Variants in ST8SIA4 observed in about 807,000 individuals in gnomAD.
The protein encoded by ST8SIA4 is CMP-N-acetylneuraminate-poly-alpha-2,8-sialyltransferase.
ST8SIA4 carries 15 observed loss-of-function variants against 33.9 expected under a neutral mutation model. The observed-to-expected ratio is 0.44, with a 90% CI of 0.30 to 0.68. ST8SIA4 has a LOEUF of 0.68. ST8SIA4 is among the 30% of genes least tolerant of loss of function. The probability of loss-of-function intolerance (pLI) is 0.10; values close to 1 mark genes in which losing one functional copy is unlikely to be tolerated. For synonymous variants in ST8SIA4, 171 were observed against 151.2 expected, an observed-to-expected ratio of 1.13 and a Z score of -0.96; for missense variants, 321 against 428.0, an observed-to-expected ratio of 0.75 and a Z score of 2.21.
chr5:100,817,009 C>T (rs1224347486), intron 4 of ST8SIA4, among the ~76,000 whole-genome samples: 1 of 149,348 alleles, frequency 6.7e-6, no homozygotes, highest in Non-Finnish European at 1.5e-5. Flanking sequence ...ATGGCGCAAT[C>T]TTGGCTCACT....
At chr5:100,838,559 T>C (rs1751409740) in intron 4 of ST8SIA4, among the ~76,000 whole-genome samples, 1 of 151,980 alleles carries the variant, frequency 6.6e-6, no homozygotes, top group African/African-American at 2.4e-5. Flanking sequence ...ATTATGTATT[T>C]TTTTCATTCC....
At chr5:100,836,995 A>AACAC (rs143119843) in intron 4 of ST8SIA4, among the ~76,000 whole-genome samples, 2,229 of 146,384 alleles carry the variant, frequency 0.015, 56 homozygotes, top group East Asian at 0.05. Flanking sequence ...TTAGTGCTAA[A>AACAC]ACACACACAC....
chr5:100,866,375 GATTA>G (rs1412728903), intron 3 of ST8SIA4, among the ~76,000 whole-genome samples: 3 of 151,972 alleles, frequency 2.0e-5, no homozygotes, highest in Non-Finnish European at 2.9e-5. Context: ...GCTATATCTT[GATTA>G]ATTGTTTAAT....
chr5:100,885,821 C>T (rs933642590), intron 3 of ST8SIA4: 1 of 878,184 alleles, frequency 1.1e-6, no homozygotes, highest in Non-Finnish European at 1.4e-6. Context: ...TTCAAATATA[C>T]TAACATACAC....
At chr5:100,815,566 T>G (rs1472741331) in intron 4 of ST8SIA4, among the ~76,000 whole-genome samples, 1 of 151,996 alleles carries the variant, frequency 6.6e-6, no homozygotes, top group Non-Finnish European at 1.5e-5. Flanking sequence ...ATAAATTTGA[T>G]AGCCTCTGTA....
chr5:100,826,472 C>T (rs182208997), intron 4 of ST8SIA4, among the ~76,000 whole-genome samples: 1 of 152,024 alleles, frequency 6.6e-6, no homozygotes, highest in East Asian at 1.9e-4. Context: ...ATGATAGGTA[C>T]TTGGGGCCAA....
At chr5:100,829,100 A>C (rs957646513) in intron 4 of ST8SIA4, among the ~76,000 whole-genome samples, 1 of 152,258 alleles carries the variant, frequency 6.6e-6, no homozygotes, top group Non-Finnish European at 1.5e-5. Flanking sequence ...TATTCTGCGC[A>C]TAGGAGCATC....
rs75635729 is a variant in ST8SIA4 at position 100,864,779 on chromosome 5, G to C, written c.504-8383C>G. Among the ~76,000 whole-genome samples, 30 of 152,068 alleles carry C rather than the reference G, an allele frequency of 2.0e-4. No homozygotes were observed. In the East Asian group the frequency reaches 5.8e-3, roughly 29 times the overall value. ...CAGTACAAAGCACATAGCAATATCAGTGAGACATAACATACACATAACTGA... is the reference window on the plus strand; with the variant it reads ...CAGTACAAAGCACATAGCAATATCACTGAGACATAACATACACATAACTGA... On this transcript the variant is annotated intron_variant, in intron 3 of 4. Transcript: ENST00000231461.
At chr5:100,825,869 C>T (rs1198610519) in intron 4 of ST8SIA4, among the ~76,000 whole-genome samples, 1 of 152,066 alleles carries the variant, frequency 6.6e-6, no homozygotes, top group Non-Finnish European at 1.5e-5. Flanking sequence ...AGAGCTTATC[C>T]TAACACCAAA....
At chr5:100,887,119 A>G (rs1239490394) in intron 2 of ST8SIA4, among the ~76,000 whole-genome samples, 1 of 152,074 alleles carries the variant, frequency 6.6e-6, no homozygotes, top group Non-Finnish European at 1.5e-5. Context: ...TATGTATATT[A>G]TAATTATCTA....
intron 4 of ST8SIA4, among the ~76,000 whole-genome samples, chr5:100,854,297 A>G (rs1293834900): frequency 6.6e-6 from 1 of 151,794 alleles, no homozygotes; most frequent in East Asian, 1.9e-4. Flanking sequence ...TAAGAATGCA[A>G]TTTAGGCCAG....
chr5:100,835,930 T>C (rs1751354445), intron 4 of ST8SIA4, among the ~76,000 whole-genome samples: 1 of 152,126 alleles, frequency 6.6e-6, no homozygotes, highest in Non-Finnish European at 1.5e-5. Flanking sequence ...TAAGGCATAA[T>C]AAGATGTGAT....
intron 3 of ST8SIA4, among the ~76,000 whole-genome samples, chr5:100,862,237 C>T (rs1751961671): frequency 6.6e-6 from 1 of 152,118 alleles, no homozygotes; most frequent in Non-Finnish European, 1.5e-5. Flanking sequence ...AACTCATAGA[C>T]ATGGTCAATT....
intron 4 of ST8SIA4, among the ~76,000 whole-genome samples, chr5:100,820,918 C>T (rs549421614): frequency 1.3e-5 from 2 of 152,128 alleles, no homozygotes; most frequent in East Asian, 1.9e-4. Context: ...AGATGTCAAA[C>T]CACAGATGTT....
intron 4 of ST8SIA4, among the ~76,000 whole-genome samples, chr5:100,823,937 T>C (rs902291297): frequency 8.5e-5 from 13 of 152,244 alleles, no homozygotes; most frequent in African/African-American, 2.9e-4. Flanking sequence ...TATAAGTTGA[T>C]AGAGATAATT....
At chr5:100,869,675 A>T (rs1009056771) in intron 3 of ST8SIA4, among the ~76,000 whole-genome samples, 3 of 152,336 alleles carry the variant, frequency 2.0e-5, no homozygotes, top group African/African-American at 7.2e-5. Flanking sequence ...AACAAAAAGC[A>T]GACCAACATG....
intron 3 of ST8SIA4, among the ~76,000 whole-genome samples, chr5:100,884,622 G>A (rs1752497916): frequency 6.6e-6 from 1 of 152,208 alleles, no homozygotes; most frequent in Admixed American, 6.5e-5. Flanking sequence ...TTAAGACAGA[G>A]AAAGAGTGTA....
At position 100,813,214 on chromosome 5, in the gene ST8SIA4, G is replaced by A. The variant is rs571321268; in HGVS notation, c.798-1085C>T. 3.3e-5 allele frequency among the ~76,000 whole-genome samples: 5 copies of A among 151,896 alleles called. No individual in the cohort carries two copies. The South Asian group carries it at 1.0e-3, about 32-fold the overall frequency. ...AGATAAAATACATCTAGAGTACTGA[G>A]TATGAAAAAAACTTAAAGTGATATG... On this transcript the variant is annotated intron_variant, in intron 4 of 4. Transcript: ENST00000231461.
In ST8SIA4 at chr5:100,809,165, A is replaced by C. The variant is rs1052043665; in HGVS notation, c.*2682T>G. On this transcript the variant is annotated 3_prime_UTR_variant, in exon 5 of 5. Transcript: ENST00000231461. ...TGTATTTACTGAAAATATACTAAAA[A>C]TGGTCCGGCTGCGGTGGCTCACACC... 2 of 152,672 alleles carry C rather than the reference A, an allele frequency of 1.3e-5. No homozygotes were observed. Among genetic ancestry groups the C allele is most frequent in the South Asian group, 4.1e-4 (2 of 4,826 alleles). The allele number at this position is 152,672 out of a possible 1,614,324, so 9.5% of individuals were successfully genotyped here. A position where few individuals can be genotyped will look rare whatever the true frequency, so the allele number is the denominator to read the frequency against.
Sources: allele counts gnomAD v4.1 joint callset (sites outside exome capture counted in the v4.1 genomes callset), GRCh38; gene constraint gnomAD v4.1.1; transcripts MANE v1.5; gene names NCBI Gene and HGNC (gene_info 2026-07-23, HGNC 2026-07-21).